Variants in CLTC observed in about 807,000 individuals in gnomAD.
CLTC encodes clathrin heavy chain.
In CLTC, 16 loss-of-function variants were observed where a neutral mutation model predicts 195.8. That is an observed-to-expected ratio of 0.08 (90% CI 0.06 to 0.12). CLTC has a LOEUF of 0.12. Among genes scored for constraint, CLTC ranks in the 10% least tolerant of loss-of-function variants. The pLI is 1.00. For synonymous variants in CLTC, 667 were observed against 689.4 expected (o/e 0.97, Z 0.51); for missense variants, 796 against 2,027.0 (o/e 0.39, Z 11.66).
chr17:59,670,317 G>C (rs1421589734), intron 14 of CLTC, among the ~76,000 whole-genome samples: 1 of 151,640 alleles, frequency 6.6e-6, no homozygotes, highest in African/African-American at 2.4e-5. Context: ...TTAAGTTCAG[G>C]GGTGCGTGGG....
rs543390731 is a variant in CLTC, at chr17:59,675,915, G to A, written c.2562-1039G>A. ...GGATTGCACATGTTTATAGGAGCTG[G>A]ATTTTTGCCTCTATTTATTAAAATT... On this transcript the variant is annotated intron_variant, in intron 16 of 31. Transcript: ENST00000269122. 2.6e-5 allele frequency among the ~76,000 whole-genome samples: 4 copies of A among 152,296 alleles called. No individual in the cohort carries two copies. The South Asian group carries it at 6.2e-4, about 24-fold the overall frequency.
At chr17:59,654,425 G>A (rs571752604) in intron 5 of CLTC, among the ~76,000 whole-genome samples, 19 of 151,562 alleles carry the variant, frequency 1.3e-4, no homozygotes, top group African/African-American at 4.4e-4. Flanking sequence ...TGATCCACCT[G>A]CCTCAGCCTC....
chr17:59,651,065 A>G (rs1046516367), intron 4 of CLTC, 138 bp from the exon 5 acceptor site: 4 of 580,906 alleles, frequency 6.9e-6, no homozygotes, highest in African/African-American at 5.6e-5. Context: ...ATTCCATGGT[A>G]TGGATGTAAC....
At chr17:59,623,743 C>G (rs567181610) in intron 1 of CLTC, among the ~76,000 whole-genome samples, 1 of 152,196 alleles carries the variant, frequency 6.6e-6, no homozygotes, top group Admixed American at 6.5e-5. Flanking sequence ...GGCTTTTTCT[C>G]TTTGAGTTAT....
chr17:59,657,767 C>CAAA (rs995771746), intron 6 of CLTC, among the ~76,000 whole-genome samples: 8 of 60,540 alleles, frequency 1.3e-4, no homozygotes, highest in Non-Finnish European at 2.6e-4. Context: ...GACTCTGTCT[C>CAAA]AAAAAAAAAA....
In CLTC at chr17:59,683,793, G is replaced by T; in HGVS notation, c.4323+37G>T. 6.2e-7 allele frequency: 1 copy of T among 1,613,880 alleles called. No homozygotes were observed. Among genetic ancestry groups the T allele is most frequent in the Non-Finnish European group, 8.5e-7 (1 of 1,179,834 alleles). On this transcript the variant is annotated intron_variant, in intron 27 of 31. Coordinates refer to ENST00000269122, the MANE Select transcript of CLTC (RefSeq NM_004859.4). The surrounding 1 kb of genome is among the most constrained non-coding windows in gnomAD (Gnocchi z 6.1). ...ATTTTAAACCAAAGCTTCATAGCAA[G>T]GAATTAGGACATACTTCGATAACTT... is the stretch of plus-strand genomic sequence containing the variant.
chr17:59,642,002 T>G (rs1007810399), intron 1 of CLTC, among the ~76,000 whole-genome samples: 2 of 138,632 alleles, frequency 1.4e-5, no homozygotes, highest in African/African-American at 6.4e-5. Flanking sequence ...CTTTGTTGTT[T>G]TTTTTTTTTT....
intron 9 of CLTC, among the ~76,000 whole-genome samples, chr17:59,664,259 T>C (rs1477861210): frequency 1.3e-5 from 2 of 152,060 alleles, no homozygotes; most frequent in East Asian, 1.9e-4. Context: ...TTATTGAAAA[T>C]GGATAAGCCA....
At chr17:59,641,114 T>C in intron 1 of CLTC, among the ~76,000 whole-genome samples, 1 of 96,712 alleles carries the variant, frequency 1.0e-5, no homozygotes, top group Admixed American at 1.1e-4. Flanking sequence ...CGAGACTCGG[T>C]TTCAAAAAAA....
Position 59,685,512 on chromosome 17 carries a change from T to C in CLTC, c.4606-75T>C. 1 of 1,279,726 alleles carries C rather than the reference T, an allele frequency of 7.8e-7. No individual in the cohort carries two copies. Among genetic ancestry groups the C allele is most frequent in the Non-Finnish European group, 1.1e-6 (1 of 910,334 alleles). 79.3% of individuals were successfully genotyped at this position (1,279,726 alleles called of 1,614,324 possible). On this transcript the variant is annotated intron_variant, in intron 29 of 31. Transcript: ENST00000269122. This position sits in a 1 kb window ranked among gnomAD's most constrained non-coding sequence, Gnocchi z 5.0. ...AAAACCAGATTTATATTGGAAAGTT[T>C]CCATTGTTTTTCTTGGTTTACTAGT...
rs1336573328 is a variant in CLTC at position 59,683,152 on chromosome 17, C to A, written c.3931C>A (p.Arg1311=). The A allele has an allele frequency of 5.0e-6, 8 of 1,613,954 alleles. No individual in the cohort carries two copies. The highest frequency in any genetic ancestry group is 6.8e-6 in the Non-Finnish European group (8 of 1,180,000). ...GTTGGAAGCAGCACTGGGACTTGAG[C>A]GAGCTCACATGGGAATGTTTACTGA... is the stretch of plus-strand genomic sequence containing the variant. The part of the protein sequence containing the change: ...TMLEAALGLE[R]AHMGMFTELA... Residue 1311 remains arginine (R), a synonymous_variant, in exon 25 of 32, where the codon CGA becomes AGA. Transcript: ENST00000269122. The surrounding 1 kb of genome is among the most constrained non-coding windows in gnomAD (Gnocchi z 6.1).
Position 59,696,084 on chromosome 17 carries a change from C to CCAT in CLTC, c.*2235_*2237dup, listed in dbSNP as rs1450444741. 7 of 212,824 alleles carry CCAT rather than the reference C, an allele frequency of 3.3e-5. No individual in the cohort carries two copies. Among genetic ancestry groups the CCAT allele is most frequent in the East Asian group, 1.4e-4 (2 of 14,198 alleles). 13.2% of individuals were successfully genotyped at this position (212,824 alleles called of 1,614,324 possible). The stretch of plus-strand genomic sequence containing the variant: ...AATGCCACTACCTTTGAATTTGGAG[C>CCAT]CATCAGTCTATCTGAGGCAAACCTC... On this transcript the variant is annotated 3_prime_UTR_variant, in exon 32 of 32. Transcript: ENST00000269122.
chr17:59,679,284 A>G (rs2033031865), intron 17 of CLTC, 113 bp from the exon 18 acceptor site: 10 of 828,638 alleles, frequency 1.2e-5, no homozygotes, highest in Middle Eastern at 3.1e-4. Context: ...ACTAGATCCA[A>G]TATCAGTAAG....
intron 17 of CLTC, 27 bp from the exon 18 acceptor site, chr17:59,679,370 G>C (rs370590865): frequency 5.1e-6 from 8 of 1,566,430 alleles, no homozygotes; most frequent in Non-Finnish European, 7.0e-6. Flanking sequence ...TTTTTACCTT[G>C]AAATTAATCT....
intron 31 of CLTC, among the ~76,000 whole-genome samples, chr17:59,693,174 C>T (rs1322562224): frequency 1.3e-5 from 2 of 152,016 alleles, no homozygotes; most frequent in Admixed American, 1.3e-4. Context: ...CAATACCAGC[C>T]TGGCCAACGT....
intron 5 of CLTC, among the ~76,000 whole-genome samples, chr17:59,654,515 C>T (rs551469085): frequency 6.6e-6 from 1 of 152,014 alleles, no homozygotes; most frequent in Non-Finnish European, 1.5e-5. Flanking sequence ...GAATCTCACT[C>T]TGTCGCCCAG....
intron 4 of CLTC, among the ~76,000 whole-genome samples, chr17:59,650,551 G>C (rs1390362114): frequency 1.4e-5 from 2 of 144,468 alleles, no homozygotes; most frequent in East Asian, 2.1e-4. Context: ...GCAGTGGCAC[G>C]ATCCCGGTTC....
intron 17 of CLTC, 91 bp from the exon 18 acceptor site, chr17:59,679,306 A>C: frequency 9.6e-7 from 1 of 1,046,342 alleles, no homozygotes; most frequent in Non-Finnish European, 1.3e-6. Context: ...TTATCAATAA[A>C]CATAGTTTAA....
Position 59,685,572 on chromosome 17 carries a change from T to G in CLTC, c.4606-15T>G. The G allele has an allele frequency of 6.2e-7, 1 of 1,602,114 alleles. No homozygotes were observed. The stretch of plus-strand genomic sequence containing the variant: ...GGGGTCTAATGTTTTTGACTTTCAC[T>G]ATTTCTTTGAATAGGATGCAATGCA... On this transcript the variant is annotated splice_polypyrimidine_tract_variant and intron_variant, in intron 29 of 31. Coordinates refer to ENST00000269122, the MANE Select transcript of CLTC (RefSeq NM_004859.4). The surrounding 1 kb of genome is among the most constrained non-coding windows in gnomAD (Gnocchi z 5.0).
Sources: gnomAD v4.1 joint callset for allele counts (sites outside exome capture counted in the v4.1 genomes callset) on GRCh38, gnomAD v4.1.1 for gene constraint, Gnocchi (gnomAD v3.1) non-coding constraint, MANE v1.5 for transcripts, NCBI Gene and HGNC (gene_info 2026-07-23, HGNC 2026-07-21) for gene names.